The following PHEX variants were observed in gnomAD, a reference collection of about 807,000 sequenced individuals.
The protein encoded by PHEX is phosphate regulating endopeptidase X-linked.
PHEX carries 16 observed loss-of-function variants against 68.0 expected under a neutral mutation model. The ratio of observed to expected loss-of-function variants is 0.24; its 90% CI spans 0.16 to 0.36. PHEX has a LOEUF of 0.36. PHEX is among the 10% of genes least tolerant of loss of function. PHEX has a pLI of 1.00. For missense variants in PHEX, 480 were observed against 575.5 expected (o/e 0.83, Z 1.70); for synonymous variants, 208 against 205.1 (o/e 1.01, Z -0.12).
chrX:22,189,663 C>T (rs909340641), intron 14 of PHEX, among the ~76,000 whole-genome samples: 1 of 112,131 alleles, frequency 8.9e-6, no homozygotes, highest in East Asian at 2.8e-4. Flanking sequence ...TCTTAAGTAC[C>T]TACGTAATAT....
At chrX:22,100,976 A>C (rs1034713593) in intron 9 of PHEX, among the ~76,000 whole-genome samples, 1 of 110,834 alleles carries the variant, frequency 9.0e-6, no homozygotes, top group African/African-American at 3.3e-5. Flanking sequence ...GTTCAAGACC[A>C]ACCTGGCCAA....
chrX:22,059,095 G>A (rs1470694460), intron 3 of PHEX, among the ~76,000 whole-genome samples: 2 of 111,681 alleles, frequency 1.8e-5, no homozygotes, highest in Non-Finnish European at 3.8e-5. Context: ...GTGAGCCAGC[G>A]TGCACAGCCC....
chrX:22,093,933 A>G (rs1225890192), intron 6 of PHEX, 50 bp from the exon 7 acceptor site: 2 of 781,918 alleles, frequency 2.6e-6, no homozygotes, highest in Non-Finnish European at 3.9e-6. Context: ...TCTCAAACAT[A>G]TTTCCTAAGA....
intron 14 of PHEX, among the ~76,000 whole-genome samples, chrX:22,189,087 C>T (rs2147137864): frequency 8.9e-6 from 1 of 112,757 alleles, no homozygotes; most frequent in African/African-American, 3.2e-5. Flanking sequence ...CAGTTCCATC[C>T]ATGTGTTGCA....
intron 11 of PHEX, among the ~76,000 whole-genome samples, chrX:22,115,262 C>T (rs942955271): frequency 1.8e-5 from 2 of 112,001 alleles, no homozygotes; most frequent in East Asian, 2.8e-4. Flanking sequence ...ACCCCGGAGG[C>T]GGAGGTTGCA....
intron 15 of PHEX, among the ~76,000 whole-genome samples, chrX:22,205,047 C>G (rs954102741): frequency 8.9e-6 from 1 of 112,041 alleles, no homozygotes; most frequent in African/African-American, 3.2e-5. Flanking sequence ...ATAGTCCACC[C>G]CTTAACAAAA....
intron 12 of PHEX, among the ~76,000 whole-genome samples, chrX:22,153,737 T>C (rs1000723955): frequency 4.5e-5 from 5 of 111,827 alleles, no homozygotes; most frequent in Non-Finnish European, 9.4e-5. Flanking sequence ...ACCAAACACA[T>C]GCACAAATAA....
At chrX:22,101,921 C>T (rs1217265570) in intron 9 of PHEX, among the ~76,000 whole-genome samples, 1 of 111,501 alleles carries the variant, frequency 9.0e-6, no homozygotes, top group Non-Finnish European at 1.9e-5. Context: ...ACCTCTATGA[C>T]ACTGTGAGCA....
chrX:22,088,825 T>G (rs957518112), intron 5 of PHEX, among the ~76,000 whole-genome samples: 3 of 112,060 alleles, frequency 2.7e-5, no homozygotes, highest in African/African-American at 9.7e-5. Context: ...TTATTTTTTC[T>G]TTTAAGGATT....
intron 1 of PHEX, among the ~76,000 whole-genome samples, chrX:22,035,999 TACACACAC>T (rs767503875): frequency 7.8e-5 from 6 of 76,781 alleles, no homozygotes; most frequent in African/African-American, 2.2e-4. Flanking sequence ...TAATTAATTA[TACACACAC>T]ACACACACAC....
At chrX:22,109,459 G>GTA (rs985017526) in intron 9 of PHEX, among the ~76,000 whole-genome samples, 77 of 111,835 alleles carry the variant, frequency 6.9e-4, no homozygotes, top group Non-Finnish European at 1.5e-4. Context: ...TAGTCTATTA[G>GTA]TATATCTCTA....
chrX:22,232,490 T>C (rs1295106990), intron 20 of PHEX, among the ~76,000 whole-genome samples: 1 of 110,228 alleles, frequency 9.1e-6, no homozygotes, highest in Non-Finnish European at 1.9e-5. Flanking sequence ...AGTTAGCTCT[T>C]CTTGTTGCAT....
intron 13 of PHEX, among the ~76,000 whole-genome samples, chrX:22,174,891 A>G (rs190085734): frequency 1.4e-4 from 16 of 111,873 alleles, no homozygotes; most frequent in African/African-American, 5.2e-4. Flanking sequence ...CCCTTCCTCA[A>G]TCTCACTTTG....
In PHEX at chrX:22,250,513, A is replaced by G. The variant is rs956537608; in HGVS notation, c.*2560A>G. On this transcript the variant is annotated 3_prime_UTR_variant, in exon 22 of 22. Transcript: ENST00000379374. ...GCTATAATACAGTTCTCTGATTCGC[A>G]CACCAGATGTTCTGCCAGCGAACTG... 8.9e-6 allele frequency: 1 copy of G among 112,211 alleles called. No homozygotes were observed. Among genetic ancestry groups the G allele is most frequent in the Admixed American group, 9.5e-5 (1 of 10,550 alleles). 9.2% of individuals were successfully genotyped at this position (112,211 alleles called of 1,213,427 possible). A position where few individuals can be genotyped will look rare whatever the true frequency, so the allele number is the denominator to read the frequency against.
intron 20 of PHEX, among the ~76,000 whole-genome samples, chrX:22,234,044 T>TACAA (rs1371855759): frequency 5.3e-5 from 6 of 112,686 alleles, no homozygotes; most frequent in African/African-American, 1.6e-4. Context: ...TTTTCCTTCT[T>TACAA]ACAAACAGGC....
intron 14 of PHEX, among the ~76,000 whole-genome samples, chrX:22,183,071 G>A (rs1243699749): frequency 9.0e-6 from 1 of 111,039 alleles, no homozygotes; most frequent in Non-Finnish European, 1.9e-5. Context: ...GGCTTCCATG[G>A]ATTACAATTT....
At chrX:22,189,038 T>C (rs1011810094) in intron 14 of PHEX, among the ~76,000 whole-genome samples, 1 of 112,894 alleles carries the variant, frequency 8.9e-6, no homozygotes, top group Non-Finnish European at 1.9e-5. Context: ...AATGTTTGTC[T>C]TTCTGTGCCT....
intron 11 of PHEX, among the ~76,000 whole-genome samples, chrX:22,120,639 AC>A (rs1270379964): frequency 9.0e-6 from 1 of 111,532 alleles, no homozygotes; most frequent in Non-Finnish European, 1.9e-5. Flanking sequence ...GAAGCAAGCT[AC>A]TATTGATTTA....
chrX:22,243,309 G>C (rs1936286941), intron 20 of PHEX, among the ~76,000 whole-genome samples: 1 of 111,641 alleles, frequency 9.0e-6, no homozygotes, highest in Non-Finnish European at 1.9e-5. Context: ...TTAAATGTAA[G>C]ACCTAGGACC....
Sources: allele counts gnomAD v4.1 joint callset (sites outside exome capture counted in the v4.1 genomes callset), GRCh38; gene constraint gnomAD v4.1.1; transcripts MANE v1.5; gene names NCBI Gene and HGNC (gene_info 2026-07-23, HGNC 2026-07-21).